PLEKHM3: variants seen among roughly 807,000 people sequenced by gnomAD.
The protein encoded by PLEKHM3 is pleckstrin homology domain-containing family M member 3.
In PLEKHM3, 45 loss-of-function variants were observed where a neutral mutation model predicts 81.8. The observed-to-expected ratio is 0.55, with a 90% CI of 0.43 to 0.71. The LOEUF (loss-of-function observed/expected upper bound fraction) is 0.71, where lower values mean the gene tolerates loss of function less well. PLEKHM3 is among the 30% of genes least tolerant of loss of function. The pLI is 0.00. For missense variants in PLEKHM3, 788 were observed against 924.3 expected (o/e 0.85, Z 1.91); for synonymous variants, 352 against 356.4 (o/e 0.99, Z 0.14).
intron 3 of PLEKHM3, among the ~76,000 whole-genome samples, chr2:207,956,544 A>ATTT (rs200958230): frequency 6.7e-6 from 1 of 148,392 alleles, no homozygotes; most frequent in African/African-American, 2.5e-5. Context: ...TAAAAAAAAA[A>ATTT]TTTTTTTTTT....
At chr2:208,010,895 A>G (rs1692666319) in intron 1 of PLEKHM3, among the ~76,000 whole-genome samples, 1 of 152,152 alleles carries the variant, frequency 6.6e-6, no homozygotes, top group African/African-American at 2.4e-5. Flanking sequence ...CTTGGTTTTT[A>G]CAGAAAATAA....
intron 7 of PLEKHM3, among the ~76,000 whole-genome samples, chr2:207,834,570 C>T (rs2092307399): frequency 6.6e-6 from 1 of 152,008 alleles, no homozygotes; most frequent in Admixed American, 6.6e-5. Flanking sequence ...GGATTACAGG[C>T]ATGTGCCACC....
intron 3 of PLEKHM3, among the ~76,000 whole-genome samples, chr2:207,949,514 T>G (rs1690259971): frequency 6.6e-6 from 1 of 152,190 alleles, no homozygotes; most frequent in Non-Finnish European, 1.5e-5. Context: ...CACTCCAGCC[T>G]GAGTGATAGA....
intron 6 of PLEKHM3, among the ~76,000 whole-genome samples, chr2:207,883,979 C>A (rs1465736814): frequency 6.6e-6 from 1 of 152,076 alleles, no homozygotes; most frequent in Admixed American, 6.5e-5. Context: ...AAGCATTTGA[C>A]AAAATCTAAT....
intron 3 of PLEKHM3, among the ~76,000 whole-genome samples, chr2:207,974,010 T>A (rs897352333): frequency 2.0e-5 from 3 of 152,074 alleles, no homozygotes; most frequent in African/African-American, 7.2e-5. Context: ...AAGTTAAAAG[T>A]CAAGCAGTGC....
intron 3 of PLEKHM3, among the ~76,000 whole-genome samples, chr2:207,960,666 A>G (rs971123683): frequency 2.0e-5 from 3 of 152,216 alleles, no homozygotes; most frequent in African/African-American, 7.2e-5. Context: ...AGGAAAGGGA[A>G]AGGCACTCAG....
chr2:207,991,610 A>G lies in PLEKHM3; in HGVS notation c.610+9420T>C, dbSNP rs543273486. Among the ~76,000 whole-genome samples, 8 of 150,578 alleles carry G rather than the reference A, an allele frequency of 5.3e-5. No individual in the cohort carries two copies. The Admixed American group carries it at 5.3e-4, about 10-fold the overall frequency. On this transcript the variant is annotated intron_variant, in intron 2 of 7. Transcript: ENST00000427836. ...TGCTATTGGGAGCCTCTGGAAAAAA[A>G]GACCCAGAAGAGATGCCCTGCTCTC... is the stretch of plus-strand genomic sequence containing the variant.
intron 5 of PLEKHM3, among the ~76,000 whole-genome samples, chr2:207,920,540 A>T (rs77423668): frequency 6.6e-6 from 1 of 151,888 alleles, no homozygotes; most frequent in Non-Finnish European, 1.5e-5. Context: ...AGCTGGTGTC[A>T]GTCTGCTGAT....
In PLEKHM3 at chr2:207,911,014, G is replaced by C. The variant is rs574141873; in HGVS notation, c.1887-2437C>G. Reference sequence around the variant, plus strand: ...ACTGAGGGCAGGCTTCCAGGGGAGGGAATAAAAAATTGAGCTTCCTATGTG... The same window carrying C: ...ACTGAGGGCAGGCTTCCAGGGGAGGCAATAAAAAATTGAGCTTCCTATGTG... On this transcript the variant is annotated intron_variant, in intron 5 of 7. Transcript: ENST00000427836. Among the ~76,000 whole-genome samples the C allele has an allele frequency of 2.6e-5, 4 of 152,272 alleles. No homozygotes were observed. In the South Asian group the frequency reaches 8.3e-4, roughly 32 times the overall value.
chr2:207,857,998 G>GT (rs1336751908), intron 7 of PLEKHM3, among the ~76,000 whole-genome samples: 3 of 150,778 alleles, frequency 2.0e-5, no homozygotes, highest in Non-Finnish European at 4.4e-5. Context: ...TACTTTAGCT[G>GT]TTTTTTTATA....
In PLEKHM3 at chr2:207,827,329, T is replaced by C. The variant is rs2092256739; in HGVS notation, c.*990A>G. 6.6e-6 allele frequency: 1 copy of C among 151,882 alleles called. No homozygotes were observed. The highest frequency in any genetic ancestry group is 2.4e-5 in the African/African-American group (1 of 41,320). The allele number at this position is 151,882 out of a possible 1,614,324, so 9.4% of individuals were successfully genotyped here. On this transcript the variant is annotated 3_prime_UTR_variant, in exon 8 of 8. Transcript: ENST00000427836. ...TAGGTAGGAACTGCCTCCACAGGAT[T>C]CTGAGAAAAGAAACTAAAACGACCC...
At chr2:207,871,246 A>G (rs1318667989) in intron 6 of PLEKHM3, among the ~76,000 whole-genome samples, 1 of 152,220 alleles carries the variant, frequency 6.6e-6, no homozygotes, top group Non-Finnish European at 1.5e-5. Context: ...ACATAAACAT[A>G]GAAGTGTCTC....
Position 207,870,432 on chromosome 2 carries a change from C to G in PLEKHM3, c.1951-9170G>C, listed in dbSNP as rs78447458. On this transcript the variant is annotated intron_variant, in intron 6 of 7. Transcript: ENST00000427836. ...GAGGGCTGCTGCACTTGACAAACAA[C>G]TCCGTCTCTGAAAGTCTAACCAAAA... is the stretch of plus-strand genomic sequence containing the variant. 7.1e-3 allele frequency among the ~76,000 whole-genome samples: 1,088 copies of G among 152,360 alleles called. 11 individuals are homozygous for G. The highest frequency in any genetic ancestry group is 0.012 in the Non-Finnish European group (794 of 68,042).
rs1385886603 is a variant in PLEKHM3, at chr2:207,826,525, T to C, written c.*1794A>G. The stretch of plus-strand genomic sequence containing the variant: ...TTGCGGCTACTGTATAGTCAGAAAA[T>C]AAATGCATGTATGGTGTTGAGCTAT... On this transcript the variant is annotated 3_prime_UTR_variant, in exon 8 of 8. Coordinates refer to ENST00000427836, the MANE Select transcript of PLEKHM3 (RefSeq NM_001080475.3). 1 of 152,172 alleles carries C rather than the reference T, an allele frequency of 6.6e-6. No individual in the cohort carries two copies. Among genetic ancestry groups the C allele is most frequent in the African/African-American group, 2.4e-5 (1 of 41,426 alleles). The allele number at this position is 152,172 out of a possible 1,614,324, so 9.4% of individuals were successfully genotyped here.
chr2:207,946,331 T>A, intron 4 of PLEKHM3, 36 bp downstream of exon 4: 1 of 1,588,806 alleles, frequency 6.3e-7, no homozygotes, highest in East Asian at 2.2e-5. Flanking sequence ...AACACCTGAA[T>A]TATTATTATT....
At chr2:207,921,080 C>T (rs549783651) in intron 5 of PLEKHM3, among the ~76,000 whole-genome samples, 10 of 152,090 alleles carry the variant, frequency 6.6e-5, no homozygotes, top group East Asian at 1.9e-4. Flanking sequence ...GATGTTGTCT[C>T]GCTCTGTTGC....
At chr2:207,901,013 C>T in intron 6 of PLEKHM3, 1 of 485,910 alleles carries the variant, frequency 2.1e-6, no homozygotes, top group Non-Finnish European at 3.7e-6. Flanking sequence ...GTGATTTCAG[C>T]ACTGACTAAA....
chr2:207,830,929 G>C (rs2092283894), intron 7 of PLEKHM3, among the ~76,000 whole-genome samples: 1 of 152,202 alleles, frequency 6.6e-6, no homozygotes, highest in African/African-American at 2.4e-5. Context: ...TCTTCCGTGT[G>C]ACAGTCTGAG....
chr2:207,958,088 T>C (rs1461019943), intron 3 of PLEKHM3, among the ~76,000 whole-genome samples: 3 of 152,174 alleles, frequency 2.0e-5, no homozygotes, highest in Non-Finnish European at 4.4e-5. Flanking sequence ...AAATAAGAGA[T>C]GAATATGCTG....
Sources: allele counts gnomAD v4.1 joint callset (sites outside exome capture counted in the v4.1 genomes callset), GRCh38; gene constraint gnomAD v4.1.1; transcripts MANE v1.5; gene names NCBI Gene and HGNC (gene_info 2026-07-23, HGNC 2026-07-21).